The following TMEM266 variants were observed in gnomAD, a reference collection of about 807,000 sequenced individuals.
TMEM266 encodes the protein transmembrane protein 266, also known as Hv1 related protein 1.
In TMEM266, 33 loss-of-function variants were observed where a neutral mutation model predicts 50.5. That is an observed-to-expected ratio of 0.65 (90% confidence interval 0.50 to 0.87). The LOEUF is 0.87. Ranked by LOEUF, TMEM266 falls within the 40% of genes least tolerant of loss-of-function variation. TMEM266 has a pLI of 0.00. For missense variants in TMEM266, 655 were observed against 695.1 expected (o/e 0.94, Z 0.65); for synonymous variants, 310 against 292.3 (o/e 1.06, Z -0.62).
Position 76,188,577 on chromosome 15 carries a change from G to A in TMEM266, c.769-3391G>A, listed in dbSNP as rs755728931. ...GAGATGATGCCATTTACTCCAGCCC[G>A]GGTGACGGAGCAAGACTCTGTCTGA... On this transcript the variant is annotated intron_variant, in intron 8 of 10. Transcript: ENST00000388942. Among the ~76,000 whole-genome samples the A allele has an allele frequency of 2.0e-4, 31 of 152,120 alleles. 1 individual carries two copies. The highest frequency in any genetic ancestry group is 1.4e-3 in the Admixed American group (22 of 15,272).
intron 1 of TMEM266, among the ~76,000 whole-genome samples, chr15:76,082,026 CTA>C (rs1171121410): frequency 6.6e-6 from 1 of 152,198 alleles, no homozygotes; most frequent in Non-Finnish European, 1.5e-5. Context: ...CCCCTCCCAC[CTA>C]TGTCAGAACC....
intron 4 of TMEM266, 44 bp downstream of exon 4, chr15:76,156,802 A>G: frequency 3.8e-6 from 6 of 1,593,514 alleles, no homozygotes; most frequent in African/African-American, 1.3e-5. Context: ...TATGATGTCA[A>G]TATTCAATGT....
chr15:76,135,692 C>T (rs2037577700), intron 2 of TMEM266, among the ~76,000 whole-genome samples: 1 of 152,182 alleles, frequency 6.6e-6, no homozygotes, highest in South Asian at 2.1e-4. Context: ...GATCTTGAGT[C>T]ATTTTGTAAA....
chr15:76,157,881 G>A (rs550118218), intron 4 of TMEM266, among the ~76,000 whole-genome samples: 6 of 152,202 alleles, frequency 3.9e-5, no homozygotes, highest in African/African-American at 9.6e-5. Flanking sequence ...CCAGCTCCTC[G>A]GGAGGCAGAA....
chr15:76,127,701 T>C (rs1383394050), intron 1 of TMEM266, among the ~76,000 whole-genome samples: 2 of 152,166 alleles, frequency 1.3e-5, no homozygotes, highest in Non-Finnish European at 1.5e-5. Context: ...TGATACACCC[T>C]ATCTCTGGTT....
chr15:76,065,471 G>GCGGTGTC (rs11280874), intron 1 of TMEM266, among the ~76,000 whole-genome samples: 2,916 of 152,190 alleles, frequency 0.019, 83 homozygotes, highest in African/African-American at 0.066. Context: ...CTCCTTCCTA[G>GCGGTGTC]CGGTGTCCGT....
chr15:76,193,300 C>T (rs376195222), intron 9 of TMEM266, among the ~76,000 whole-genome samples: 2 of 152,242 alleles, frequency 1.3e-5, no homozygotes, highest in African/African-American at 2.4e-5. Context: ...AGTTCACTGC[C>T]ACCTCAGACT....
intron 1 of TMEM266, among the ~76,000 whole-genome samples, chr15:76,111,183 C>T (rs952943257): frequency 2.0e-5 from 3 of 151,750 alleles, no homozygotes; most frequent in Non-Finnish European, 2.9e-5. Flanking sequence ...TGGGTTCAAG[C>T]GATTCTCCTG....
chr15:76,094,164 G>A (rs2141999784), intron 1 of TMEM266, among the ~76,000 whole-genome samples: 1 of 152,112 alleles, frequency 6.6e-6, no homozygotes, highest in Non-Finnish European at 1.5e-5. Context: ...CATTGCGTTT[G>A]GTGTTTTAGA....
At chr15:76,090,542 A>G (rs1266846849) in intron 1 of TMEM266, among the ~76,000 whole-genome samples, 2 of 151,898 alleles carry the variant, frequency 1.3e-5, no homozygotes, top group Admixed American at 1.3e-4. Context: ...AAAAGAATGC[A>G]GAACCTCAAA....
chr15:76,102,078 T>C (rs992438), intron 1 of TMEM266, among the ~76,000 whole-genome samples: 122,026 of 152,082 alleles, frequency 0.8, 49,074 homozygotes, highest in Admixed American at 0.85. Flanking sequence ...AACTCTTCAC[T>C]CACCCATATC....
At chr15:76,087,715 C>T (rs2036795238) in intron 1 of TMEM266, among the ~76,000 whole-genome samples, 1 of 152,170 alleles carries the variant, frequency 6.6e-6, no homozygotes, top group Non-Finnish European at 1.5e-5. Flanking sequence ...AGGGAACACA[C>T]AGCCCTTGAA....
At chr15:76,122,721 ACT>A (rs1210183254) in intron 1 of TMEM266, among the ~76,000 whole-genome samples, 2 of 152,042 alleles carry the variant, frequency 1.3e-5, no homozygotes, top group African/African-American at 4.8e-5. Flanking sequence ...TTCTCCAGAA[ACT>A]CTGCAGAATT....
chr15:76,188,570 C>G (rs1448086176), intron 8 of TMEM266, among the ~76,000 whole-genome samples: 2 of 152,104 alleles, frequency 1.3e-5, no homozygotes, highest in Admixed American at 1.3e-4. Flanking sequence ...GCCATTTACT[C>G]CAGCCCGGGT....
chr15:76,190,081 T>C (rs753388347), intron 8 of TMEM266, among the ~76,000 whole-genome samples: 8 of 152,172 alleles, frequency 5.3e-5, no homozygotes, highest in Non-Finnish European at 8.8e-5. Context: ...AATATTAAAA[T>C]AAATACACAA....
chr15:76,083,271 G>A (rs1307439930), intron 1 of TMEM266, among the ~76,000 whole-genome samples: 2 of 141,584 alleles, frequency 1.4e-5, no homozygotes, highest in South Asian at 4.5e-4. Context: ...TTGCTCTGTC[G>A]CCCAGGCTGG....
At chr15:76,131,264 G>A (rs1439166374) in intron 1 of TMEM266, among the ~76,000 whole-genome samples, 1 of 152,252 alleles carries the variant, frequency 6.6e-6, no homozygotes, top group Non-Finnish European at 1.5e-5. Flanking sequence ...CTACTTGGGA[G>A]GCTGAGGCAG....
intron 3 of TMEM266, among the ~76,000 whole-genome samples, chr15:76,144,545 C>T (rs971197172): frequency 1.3e-5 from 2 of 152,184 alleles, no homozygotes; most frequent in African/African-American, 4.8e-5. Flanking sequence ...GGAAAGCTAC[C>T]CCCATGCCAA....
Position 76,085,537 on chromosome 15 carries a change from G to A in TMEM266, c.-97+25521G>A, listed in dbSNP as rs151073025. On this transcript the variant is annotated intron_variant, in intron 1 of 10. Coordinates refer to ENST00000388942, the MANE Select transcript of TMEM266 (RefSeq NM_152335.3). ...AGCCTCCCAAAGTGCTGGGATTACAGGCATAAGCCACCGTACCTGGCCCAG... is the reference window on the plus strand; with the variant it reads ...AGCCTCCCAAAGTGCTGGGATTACAAGCATAAGCCACCGTACCTGGCCCAG... Among the ~76,000 whole-genome samples, 200 of 152,226 alleles carry A rather than the reference G, an allele frequency of 1.3e-3. 1 individual carries two copies. Among genetic ancestry groups the A allele is most frequent in the African/African-American group, 4.5e-3 (186 of 41,536 alleles).
Sources: allele counts gnomAD v4.1 joint callset (sites outside exome capture counted in the v4.1 genomes callset), GRCh38; gene constraint gnomAD v4.1.1; transcripts MANE v1.5; gene names NCBI Gene and HGNC (gene_info 2026-07-23, HGNC 2026-07-21).